SDCCAG8: variants seen among roughly 807,000 people sequenced by gnomAD.
SDCCAG8 encodes serologically defined colon cancer antigen 8.
SDCCAG8 carries 74 observed loss-of-function variants against 101.8 expected under a neutral mutation model. That is an observed-to-expected ratio of 0.73 (90% CI 0.60 to 0.88). The LOEUF (loss-of-function observed/expected upper bound fraction) is 0.88, where lower values mean the gene tolerates loss of function less well. SDCCAG8 is among the 40% of genes least tolerant of loss of function. SDCCAG8 has a pLI of 0.00. For missense variants in SDCCAG8, 787 were observed against 822.6 expected (o/e 0.96, Z 0.53); for synonymous variants, 281 against 292.9 (o/e 0.96, Z 0.41).
chr1:243,455,396 A>G (rs2083666557), intron 16 of SDCCAG8, among the ~76,000 whole-genome samples: 1 of 152,122 alleles, frequency 6.6e-6, no homozygotes, highest in Non-Finnish European at 1.5e-5. Flanking sequence ...CAGCCTCCCA[A>G]GTAGCTGGGA....
intron 16 of SDCCAG8, among the ~76,000 whole-genome samples, chr1:243,481,792 C>T (rs1361402918): frequency 1.3e-5 from 2 of 152,130 alleles, no homozygotes; most frequent in Admixed American, 6.5e-5. Flanking sequence ...CAAAACCAAA[C>T]CCAAAACAAA....
At chr1:243,438,337 C>T (rs2082287849) in intron 16 of SDCCAG8, among the ~76,000 whole-genome samples, 1 of 152,174 alleles carries the variant, frequency 6.6e-6, no homozygotes, top group Non-Finnish European at 1.5e-5. Flanking sequence ...GTGGCCATTT[C>T]CCCTTTCCTT....
At chr1:243,382,798 C>CT (rs2078038732) in intron 13 of SDCCAG8, among the ~76,000 whole-genome samples, 1 of 152,200 alleles carries the variant, frequency 6.6e-6, no homozygotes, top group East Asian at 1.9e-4. Flanking sequence ...TTGGCTGTGG[C>CT]TGTCCCGTGA....
intron 9 of SDCCAG8, among the ~76,000 whole-genome samples, chr1:243,317,473 A>G (rs2073363170): frequency 6.6e-6 from 1 of 152,164 alleles, no homozygotes; most frequent in African/African-American, 2.4e-5. Context: ...GACACGGGCC[A>G]TCATGCCCAG....
intron 15 of SDCCAG8, among the ~76,000 whole-genome samples, chr1:243,420,353 G>A (rs559726211): frequency 6.6e-6 from 1 of 152,338 alleles, no homozygotes; most frequent in East Asian, 1.9e-4. Context: ...CTGACACATA[G>A]TAATACACAG....
chr1:243,363,775 T>G (rs2076849215), intron 12 of SDCCAG8, among the ~76,000 whole-genome samples: 1 of 152,236 alleles, frequency 6.6e-6, no homozygotes, highest in Non-Finnish European at 1.5e-5. Context: ...TATGTGAAAG[T>G]GTTTTCTAAA....
At chr1:243,385,143 C>A (rs1184450113) in intron 13 of SDCCAG8, among the ~76,000 whole-genome samples, 1 of 151,920 alleles carries the variant, frequency 6.6e-6, no homozygotes, top group Non-Finnish European at 1.5e-5. Context: ...AATCCCAGGA[C>A]TTTGGGAGGC....
chr1:243,413,721 G>T (rs577289709), intron 13 of SDCCAG8, among the ~76,000 whole-genome samples: 11 of 152,288 alleles, frequency 7.2e-5, no homozygotes, highest in African/African-American at 2.6e-4. Context: ...ATTGTTAGGG[G>T]TTGCAGAGCC....
intron 14 of SDCCAG8, among the ~76,000 whole-genome samples, chr1:243,417,105 A>G (rs942479303): frequency 1.3e-5 from 2 of 152,242 alleles, no homozygotes; most frequent in African/African-American, 4.8e-5. Flanking sequence ...ATTGACTCAC[A>G]TAATTCCCTC....
chr1:243,431,524 A>G (rs958052034), intron 16 of SDCCAG8, among the ~76,000 whole-genome samples: 1 of 152,182 alleles, frequency 6.6e-6, no homozygotes, highest in Non-Finnish European at 1.5e-5. Flanking sequence ...CATGAATTTA[A>G]TGTTCAAATG....
At chr1:243,268,911 G>A (rs374186290) in intron 1 of SDCCAG8, among the ~76,000 whole-genome samples, 3 of 151,974 alleles carry the variant, frequency 2.0e-5, no homozygotes, top group East Asian at 1.9e-4. Flanking sequence ...GTGGGGCAGC[G>A]GGGTGCAGCG....
intron 16 of SDCCAG8, among the ~76,000 whole-genome samples, chr1:243,468,034 A>G (rs908096530): frequency 6.6e-6 from 1 of 152,186 alleles, no homozygotes; most frequent in African/African-American, 2.4e-5. Flanking sequence ...TTGTATGGAC[A>G]AAAGGGCACA....
At chr1:243,353,836 T>C (rs995757687) in intron 12 of SDCCAG8, among the ~76,000 whole-genome samples, 1 of 152,190 alleles carries the variant, frequency 6.6e-6, no homozygotes, top group Non-Finnish European at 1.5e-5. Context: ...TGCATATGTA[T>C]TTCATTTGCT....
At chr1:243,431,278 A>G (rs1388186419) in intron 16 of SDCCAG8, among the ~76,000 whole-genome samples, 1 of 152,214 alleles carries the variant, frequency 6.6e-6, no homozygotes, top group Non-Finnish European at 1.5e-5. Context: ...GAATGCTAAT[A>G]TTGGTGACAG....
chr1:243,486,202 C>CAAAAAAA (rs57724631), intron 16 of SDCCAG8, among the ~76,000 whole-genome samples: 3 of 61,422 alleles, frequency 4.9e-5, no homozygotes, highest in Non-Finnish European at 6.2e-5. Flanking sequence ...ACTCTGCCTC[C>CAAAAAAA]AAAAAAAAAA....
intron 13 of SDCCAG8, among the ~76,000 whole-genome samples, chr1:243,400,547 G>A (rs959389561): frequency 6.6e-6 from 1 of 152,094 alleles, no homozygotes; most frequent in South Asian, 2.1e-4. Flanking sequence ...GTGTGGGGTG[G>A]GGAAGCATCT....
At chr1:243,422,201 C>T (rs1281639823) in intron 15 of SDCCAG8, among the ~76,000 whole-genome samples, 1 of 152,220 alleles carries the variant, frequency 6.6e-6, no homozygotes, top group Non-Finnish European at 1.5e-5. Flanking sequence ...ATGTCTAACA[C>T]TGCCCATTGT....
intron 6 of SDCCAG8, among the ~76,000 whole-genome samples, chr1:243,302,874 T>C (rs1461482649): frequency 6.6e-6 from 1 of 152,032 alleles, no homozygotes; most frequent in Non-Finnish European, 1.5e-5. Flanking sequence ...ATCATGAAAG[T>C]GTGAGAGGAT....
At chr1:243,420,285 A>G (rs2080903807) in intron 15 of SDCCAG8, among the ~76,000 whole-genome samples, 1 of 152,232 alleles carries the variant, frequency 6.6e-6, no homozygotes, top group Non-Finnish European at 1.5e-5. Context: ...TGTTATGGGA[A>G]TTAGAATTGT....
Sources: allele counts gnomAD v4.1 joint callset (sites outside exome capture counted in the v4.1 genomes callset), GRCh38; gene constraint gnomAD v4.1.1; transcripts MANE v1.5; gene names NCBI Gene and HGNC (gene_info 2026-07-23, HGNC 2026-07-21).